KANK1: variants seen among roughly 807,000 people sequenced by gnomAD.
KANK1 encodes the protein KN motif and ankyrin repeat domain-containing protein 1.
Under a neutral mutation model 106.2 loss-of-function variants are expected in KANK1, and 109 were observed. The ratio of observed to expected loss-of-function variants is 1.03; its 90% CI spans 0.88 to 1.20. KANK1 has a LOEUF of 1.20. Ranked by LOEUF, KANK1 falls within the 50% of genes most tolerant of loss-of-function variation. The pLI is 0.00. For missense variants in KANK1, 2,399 were observed against 1,710.7 expected, an observed-to-expected ratio of 1.40 and a Z score of -7.10; for synonymous variants, 873 against 652.2, an observed-to-expected ratio of 1.34 and a Z score of -5.16.
intron 3 of KANK1, among the ~76,000 whole-genome samples, chr9:720,706 G>A (rs1443717060): frequency 6.6e-6 from 1 of 152,118 alleles, no homozygotes; most frequent in South Asian, 2.1e-4. Flanking sequence ...ACCCAGGTTG[G>A]AATGCAGTCT....
chr9:647,517 TAGTATAGTCTTTC>T (rs1024532609), intron 1 of KANK1, among the ~76,000 whole-genome samples: 1 of 150,998 alleles, frequency 6.6e-6, no homozygotes, highest in African/African-American at 2.5e-5. Context: ...TGCAGTTTTC[TAGTATAGTCTTTC>T]ATCTTACGAA....
At chr9:675,820 G>A (rs1264446855) in intron 1 of KANK1, among the ~76,000 whole-genome samples, 4 of 152,188 alleles carry the variant, frequency 2.6e-5, no homozygotes, top group Admixed American at 6.5e-5. Context: ...AGGAGCGTAG[G>A]CTGCTCAACT....
intron 7 of KANK1, among the ~76,000 whole-genome samples, chr9:735,374 CAA>C (rs913266023): frequency 3.3e-5 from 5 of 152,132 alleles, no homozygotes; most frequent in African/African-American, 1.2e-4. Flanking sequence ...GAGCAAACAG[CAA>C]AGAGTTTGTG....
At chr9:672,855 C>T (rs1438019607) in intron 1 of KANK1, among the ~76,000 whole-genome samples, 1 of 152,166 alleles carries the variant, frequency 6.6e-6, no homozygotes, top group African/African-American at 2.4e-5. Flanking sequence ...TCTTTATTTT[C>T]TCTGTTGATG....
chr9:547,617 A>G (rs2061012355), intron 1 of KANK1, among the ~76,000 whole-genome samples: 1 of 151,518 alleles, frequency 6.6e-6, no homozygotes, highest in African/African-American at 2.4e-5. Flanking sequence ...CTCTATGCAG[A>G]TATATTTTAG....
chr9:510,592 A>G (rs975472857), intron 1 of KANK1, among the ~76,000 whole-genome samples: 1 of 152,214 alleles, frequency 6.6e-6, no homozygotes, highest in South Asian at 2.1e-4. Context: ...AGCCTTCTCA[A>G]GGAGAGAGAT....
intron 2 of KANK1, among the ~76,000 whole-genome samples, chr9:682,278 T>C (rs1237837156): frequency 6.9e-6 from 1 of 144,896 alleles, no homozygotes. Context: ...AGACTCCGTC[T>C]CAAAAAAAAA....
intron 1 of KANK1, among the ~76,000 whole-genome samples, chr9:604,745 G>T (rs142259312): frequency 1.1e-4 from 17 of 151,756 alleles, no homozygotes; most frequent in Non-Finnish European, 2.2e-4. Flanking sequence ...CAGGAGAATC[G>T]ATTGAACCTG....
At chr9:603,557 A>G (rs1485762007) in intron 1 of KANK1, among the ~76,000 whole-genome samples, 1 of 151,784 alleles carries the variant, frequency 6.6e-6, no homozygotes, top group East Asian at 1.9e-4. Flanking sequence ...CAGTTCCTTA[A>G]CTCTAAAATC....
rs1840640244 is a variant in KANK1, at chr9:650,468, G to T, written c.-83-26422G>T. On this transcript the variant is annotated intron_variant, in intron 1 of 11. Coordinates refer to ENST00000382297, the MANE Select transcript of KANK1 (RefSeq NM_015158.5). ...CTTGTTATGTAGATTCTTACTCCTG[G>T]GTCTAGGATGGGGGCCTAAGATTCT... Among the ~76,000 whole-genome samples, 3 of 152,114 alleles carry T rather than the reference G, an allele frequency of 2.0e-5. No individual in the cohort carries two copies. The South Asian group carries it at 6.2e-4, about 32-fold the overall frequency.
intron 1 of KANK1, among the ~76,000 whole-genome samples, chr9:610,224 C>T (rs964808218): frequency 3.9e-5 from 6 of 152,008 alleles, no homozygotes; most frequent in East Asian, 1.9e-4. Context: ...TGAACACTTA[C>T]GTTTATCAAA....
intron 1 of KANK1, among the ~76,000 whole-genome samples, chr9:611,128 T>C (rs1044275656): frequency 2.0e-5 from 3 of 152,156 alleles, no homozygotes; most frequent in Admixed American, 1.3e-4. Flanking sequence ...GAAGGGACGG[T>C]TGGCTTGACA....
chr9:641,848 C>T (rs912316294), intron 1 of KANK1, among the ~76,000 whole-genome samples: 1 of 152,066 alleles, frequency 6.6e-6, no homozygotes, highest in African/African-American at 2.4e-5. Context: ...CCATGCAGTC[C>T]ACCCTTTAAA....
chr9:507,657 A>G (rs896032457), intron 1 of KANK1, among the ~76,000 whole-genome samples: 3 of 151,542 alleles, frequency 2.0e-5, no homozygotes, highest in African/African-American at 7.3e-5. Context: ...CCTGGGTTCA[A>G]GCGATTCTCG....
intron 9 of KANK1, among the ~76,000 whole-genome samples, chr9:741,325 CT>C (rs71314736): frequency 0.035 from 5,058 of 146,158 alleles, 167 homozygotes; most frequent in Admixed American, 0.074. Context: ...CACAGCTTGA[CT>C]TTTTTTTTTT....
intron 1 of KANK1, among the ~76,000 whole-genome samples, chr9:661,520 A>G (rs1306473830): frequency 1.3e-5 from 2 of 152,116 alleles, no homozygotes; most frequent in African/African-American, 2.4e-5. Flanking sequence ...AATCCAGTCT[A>G]TCATTGATGG....
intron 2 of KANK1, among the ~76,000 whole-genome samples, chr9:701,198 C>T (rs2130261433): frequency 6.6e-6 from 1 of 152,294 alleles, no homozygotes. Context: ...ACCACAACCT[C>T]TGCCTCACAG....
chr9:744,955 G>T lies in KANK1; in HGVS notation c.3997-218G>T. ...GCCTGTAGTCCACAGTTCACTCTGAGTGGGAAGGTGACTTCCCAGGACAGC... is the reference window on the plus strand; with the variant it reads ...GCCTGTAGTCCACAGTTCACTCTGATTGGGAAGGTGACTTCCCAGGACAGC... On this transcript the variant is annotated intron_variant, in intron 11 of 11. Transcript: ENST00000382297. 4 of 1,456,294 alleles carry T rather than the reference G, an allele frequency of 2.7e-6. No individual in the cohort carries two copies. In the South Asian group the frequency reaches 5.8e-5, roughly 21 times the overall value. 90.2% of individuals were successfully genotyped at this position (1,456,294 alleles called of 1,614,324 possible). A position where few individuals can be genotyped will look rare whatever the true frequency, so the allele number is the denominator to read the frequency against.
At chr9:653,819 A>C (rs920096728) in intron 1 of KANK1, among the ~76,000 whole-genome samples, 1 of 152,222 alleles carries the variant, frequency 6.6e-6, no homozygotes, top group Non-Finnish European at 1.5e-5. Context: ...AAGCCTCATC[A>C]CATTGGATAC....
Sources: gnomAD v4.1 joint callset for allele counts (sites outside exome capture counted in the v4.1 genomes callset) on GRCh38, gnomAD v4.1.1 for gene constraint, MANE v1.5 for transcripts, NCBI Gene and HGNC (gene_info 2026-07-23, HGNC 2026-07-21) for gene names.